The following CHST9 variants were observed in gnomAD, a reference collection of about 807,000 sequenced individuals.
CHST9 encodes the protein GalNAc-4-sulfotransferase 2.
CHST9 carries 41 observed loss-of-function variants against 44.4 expected under a neutral mutation model. That is an observed-to-expected ratio of 0.92 (90% CI 0.72 to 1.20). The LOEUF (loss-of-function observed/expected upper bound fraction) is 1.20, where lower values mean the gene tolerates loss of function less well. CHST9 is among the 50% of genes most tolerant of loss of function. The probability of loss-of-function intolerance (pLI) is 0.00; values close to 1 mark genes in which losing one functional copy is unlikely to be tolerated. For synonymous variants in CHST9, 171 were observed against 178.4 expected, an observed-to-expected ratio of 0.96 and a Z score of 0.33; for missense variants, 504 against 516.5, an observed-to-expected ratio of 0.98 and a Z score of 0.23.
At chr18:27,084,538 C>A (rs1237837488) in intron 2 of CHST9, among the ~76,000 whole-genome samples, 1 of 150,046 alleles carries the variant, frequency 6.7e-6, no homozygotes, top group African/African-American at 2.4e-5. Context: ...AGTCTTCTCT[C>A]TTTATTCTTT....
intron 2 of CHST9, among the ~76,000 whole-genome samples, chr18:27,091,689 A>C (rs1305663177): frequency 6.6e-6 from 1 of 152,220 alleles, no homozygotes; most frequent in Admixed American, 6.5e-5. Context: ...CCTTTTCTGC[A>C]TCTATTGAGA....
chr18:27,073,804 T>C lies in CHST9; in HGVS notation c.122-25301A>G, dbSNP rs146862369. Among the ~76,000 whole-genome samples, 410 of 152,284 alleles carry C rather than the reference T, an allele frequency of 2.7e-3. 2 individuals are homozygous for C. Among genetic ancestry groups the C allele is most frequent in the African/African-American group, 9.1e-3 (379 of 41,546 alleles). On this transcript the variant is annotated intron_variant, in intron 2 of 5. Coordinates refer to ENST00000618847, the MANE Select transcript of CHST9 (RefSeq NM_031422.6). ...TCTTTAAACAGTATTTTGCTTACTT[T>C]TTGTGACTATTTATATATATATACT...
intron 4 of CHST9, among the ~76,000 whole-genome samples, chr18:26,971,666 G>A (rs1305236687): frequency 6.6e-6 from 1 of 152,212 alleles, no homozygotes; most frequent in Admixed American, 6.5e-5. Context: ...CAGATGTGCT[G>A]GCTGCAAAGA....
intron 5 of CHST9, chr18:26,933,897 A>C (rs556316973): frequency 6.5e-6 from 1 of 153,372 alleles, no homozygotes; most frequent in Non-Finnish European, 1.5e-5. Context: ...GTTACGTTAA[A>C]TAGATGTCCA....
At chr18:27,129,374 T>C (rs2058453178) in intron 2 of CHST9, among the ~76,000 whole-genome samples, 1 of 143,490 alleles carries the variant, frequency 7.0e-6, no homozygotes, top group Admixed American at 6.7e-5. Flanking sequence ...TATTTTTTAT[T>C]TTTTTTATTT....
chr18:26,995,803 G>GTCTT (rs369058393), intron 4 of CHST9, among the ~76,000 whole-genome samples: 93 of 152,234 alleles, frequency 6.1e-4, no homozygotes, highest in African/African-American at 2.1e-3. Flanking sequence ...GCTTTGCTTT[G>GTCTT]TCTATTATTA....
intron 4 of CHST9, among the ~76,000 whole-genome samples, chr18:26,979,300 C>A (rs531265493): frequency 6.6e-6 from 1 of 152,200 alleles, no homozygotes; most frequent in Non-Finnish European, 1.5e-5. Flanking sequence ...AAAAACATCA[C>A]CCATAAGACA....
At chr18:27,093,474 G>A (rs967647678) in intron 2 of CHST9, among the ~76,000 whole-genome samples, 3 of 152,228 alleles carry the variant, frequency 2.0e-5, no homozygotes, top group Non-Finnish European at 2.9e-5. Flanking sequence ...TCCCCAGCCA[G>A]GCTGCCGTCT....
intron 4 of CHST9, among the ~76,000 whole-genome samples, chr18:27,000,534 G>A (rs1287456754): frequency 6.6e-6 from 1 of 152,118 alleles, no homozygotes; most frequent in Non-Finnish European, 1.5e-5. Flanking sequence ...ATAAGATGAA[G>A]CCCTAGCCTA....
intron 4 of CHST9, among the ~76,000 whole-genome samples, chr18:27,021,008 A>G (rs1008889855): frequency 2.0e-5 from 3 of 152,224 alleles, no homozygotes; most frequent in African/African-American, 4.8e-5. Flanking sequence ...AGGGGCAGGT[A>G]GCATGCAGTC....
rs555312358 is a variant in CHST9 at position 27,159,285 on chromosome 18, A to G, written c.-96-16380T>C. 5.9e-5 allele frequency among the ~76,000 whole-genome samples: 9 copies of G among 152,276 alleles called. No homozygotes were observed. In the South Asian group the frequency reaches 1.5e-3, roughly 25 times the overall value. On this transcript the variant is annotated intron_variant, in intron 1 of 5. Coordinates refer to ENST00000618847, the MANE Select transcript of CHST9 (RefSeq NM_031422.6). ...TAATCCATCTTGAATTAATTTTTGT[A>G]TAAGGTATAAGGAAGGGATCCAGTT... is the stretch of plus-strand genomic sequence containing the variant.
At chr18:26,922,227 C>T (rs910042117) in intron 5 of CHST9, among the ~76,000 whole-genome samples, 9 of 152,146 alleles carry the variant, frequency 5.9e-5, no homozygotes, top group Admixed American at 5.9e-4. Context: ...GCAGCCCCAA[C>T]TCATGGTCTC....
chr18:27,164,702 T>C (rs2058776567), intron 1 of CHST9, among the ~76,000 whole-genome samples: 1 of 152,124 alleles, frequency 6.6e-6, no homozygotes, highest in Non-Finnish European at 1.5e-5. Context: ...AAAGAAAAGG[T>C]TCTATATATG....
At position 27,129,870 on chromosome 18, in the gene CHST9, T is replaced by C. The variant is rs1357575292; in HGVS notation, c.121+12819A>G. Among the ~76,000 whole-genome samples, 3 of 152,076 alleles carry C rather than the reference T, an allele frequency of 2.0e-5. No homozygotes were observed. In the East Asian group the frequency reaches 5.8e-4, roughly 29 times the overall value. ...GAAACCATATTCTTGCTCCTCGTGG[T>C]GCATCTAGTTGCTAAACTTCCTAAT... On this transcript the variant is annotated intron_variant, in intron 2 of 5. Coordinates refer to ENST00000618847, the MANE Select transcript of CHST9 (RefSeq NM_031422.6).
chr18:26,984,978 C>T (rs546215327), intron 4 of CHST9, among the ~76,000 whole-genome samples: 138 of 152,264 alleles, frequency 9.1e-4, no homozygotes, highest in African/African-American at 3.2e-3. Flanking sequence ...CCTGTCCCAT[C>T]ACCCAGAAAT....
chr18:27,039,061 C>G (rs984642047), intron 3 of CHST9, among the ~76,000 whole-genome samples: 2 of 152,152 alleles, frequency 1.3e-5, no homozygotes, highest in African/African-American at 4.8e-5. Flanking sequence ...AATACACCAA[C>G]AAGTAAATAA....
chr18:27,017,406 C>T (rs557244617), intron 4 of CHST9, among the ~76,000 whole-genome samples: 2 of 152,196 alleles, frequency 1.3e-5, no homozygotes, highest in South Asian at 4.1e-4. Context: ...TGTAGTCATA[C>T]AGTAGAATAT....
intron 4 of CHST9, among the ~76,000 whole-genome samples, chr18:26,956,016 G>A (rs780276348): frequency 5.3e-5 from 8 of 151,976 alleles, no homozygotes; most frequent in South Asian, 2.1e-4. Flanking sequence ...TAATTATAGC[G>A]CCAGGTGCAG....
intron 2 of CHST9, among the ~76,000 whole-genome samples, chr18:27,112,597 G>GTGTGTT (rs1555624907): frequency 2.0e-5 from 3 of 150,394 alleles, no homozygotes; most frequent in African/African-American, 7.4e-5. Context: ...GTGTGTGTGT[G>GTGTGTT]TGTGTGTGTG....
Sources: gnomAD v4.1 joint callset for allele counts (sites outside exome capture counted in the v4.1 genomes callset) on GRCh38, gnomAD v4.1.1 for gene constraint, MANE v1.5 for transcripts, NCBI Gene and HGNC (gene_info 2026-07-23, HGNC 2026-07-21) for gene names.